JAM3: variants seen among roughly 807,000 people sequenced by gnomAD.
JAM3 encodes junctional adhesion molecule 3.
A neutral mutation model predicts 39.4 loss-of-function variants in JAM3; 31 were observed. The observed-to-expected ratio is 0.79, with a 90% CI of 0.59 to 1.06. JAM3 has a LOEUF of 1.06. Ranked by LOEUF, JAM3 falls within the 50% of genes least tolerant of loss-of-function variation. The pLI, the probability that JAM3 is intolerant of heterozygous loss-of-function variation, is 0.00. For missense variants in JAM3, 455 were observed against 391.4 expected, an observed-to-expected ratio of 1.16 and a Z score of -1.37; for synonymous variants, 182 against 148.7, an observed-to-expected ratio of 1.22 and a Z score of -1.63.
chr11:134,079,086 C>T (rs671800), intron 1 of JAM3, among the ~76,000 whole-genome samples: 60,612 of 151,474 alleles, frequency 0.4, 13,265 homozygotes, highest in African/African-American at 0.6. Context: ...TTTTTTTCAT[C>T]GCATACACCC....
At chr11:134,126,658 T>C (rs1430679424) in intron 1 of JAM3, among the ~76,000 whole-genome samples, 2 of 152,218 alleles carry the variant, frequency 1.3e-5, no homozygotes, top group African/African-American at 2.4e-5. Context: ...GAGTTGGAGA[T>C]GATTCAGGAA....
chr11:134,089,026 T>C (rs865783125), intron 1 of JAM3, among the ~76,000 whole-genome samples: 2 of 152,174 alleles, frequency 1.3e-5, no homozygotes, highest in South Asian at 4.1e-4. Flanking sequence ...ATATAGGTGA[T>C]TGTAAGTTGG....
intron 1 of JAM3, among the ~76,000 whole-genome samples, chr11:134,096,755 G>T (rs1941992088): frequency 6.6e-6 from 1 of 152,184 alleles, no homozygotes; most frequent in South Asian, 2.1e-4. Context: ...TGTGTGCTCA[G>T]TTAATGAGTA....
In JAM3 at chr11:134,124,216, C is replaced by T; in HGVS notation, c.77-15635C>T. 3.6e-6 allele frequency: 5 copies of T among 1,391,026 alleles called. No homozygotes were observed. In the East Asian group the frequency reaches 6.9e-5, roughly 19 times the overall value. 86.2% of individuals were successfully genotyped at this position (1,391,026 alleles called of 1,614,324 possible). On this transcript the variant is annotated intron_variant, in intron 1 of 8. Transcript: ENST00000299106. ...CAAACTCGAACCAAAGTCATCACTC[C>T]ATACTTCTTAAGTTCCTCTGGGAAC...
chr11:134,108,263 A>G (rs563328909), intron 1 of JAM3, among the ~76,000 whole-genome samples: 13 of 152,200 alleles, frequency 8.5e-5, no homozygotes, highest in African/African-American at 3.1e-4. Context: ...GAATAGCCTA[A>G]CATCTACTTT....
At chr11:134,133,075 A>T (rs1565500731) in intron 1 of JAM3, among the ~76,000 whole-genome samples, 1 of 152,178 alleles carries the variant, frequency 6.6e-6, no homozygotes. Context: ...TGTTGTCAAG[A>T]TGGATGAGGG....
Position 134,149,254 on chromosome 11 carries a change from C to A in JAM3, c.*73C>A. 2.5e-6 allele frequency: 4 copies of A among 1,581,368 alleles called. No individual in the cohort carries two copies. In the South Asian group the frequency reaches 3.3e-5, roughly 13 times the overall value. On this transcript the variant is annotated 3_prime_UTR_variant, in exon 9 of 9. Transcript: ENST00000299106. ...CTGCTAGAAACTCCTGTCAAGGCAGCGAGAGCTGATGCACTCGGACAGAGC... is the reference window on the plus strand; with the variant it reads ...CTGCTAGAAACTCCTGTCAAGGCAGAGAGAGCTGATGCACTCGGACAGAGC...
intron 1 of JAM3, among the ~76,000 whole-genome samples, chr11:134,088,411 TA>T (rs1461748015): frequency 6.6e-6 from 1 of 152,146 alleles, no homozygotes; most frequent in African/African-American, 2.4e-5. Context: ...TTTTATTTTT[TA>T]TTTTTTTAAA....
intron 1 of JAM3, among the ~76,000 whole-genome samples, chr11:134,122,940 T>C (rs1312219753): frequency 5.9e-5 from 9 of 152,232 alleles, no homozygotes; most frequent in Non-Finnish European, 1.2e-4. Context: ...GTCCTCCCTT[T>C]TAGAAGACAA....
Position 134,144,247 on chromosome 11 carries a change from TGGC to T in JAM3, c.266_268del (p.Ala89del). ...CCTCGTGTCTTTTCTGTAGGAGACT[TGGC>T]GGGTCGTGCAGAAATACTGGGGAAG... is the stretch of plus-strand genomic sequence containing the variant. On this transcript the variant is annotated inframe_deletion, in exon 4 of 9. Transcript: ENST00000299106. The T allele has an allele frequency of 6.8e-6, 11 of 1,614,178 alleles. No homozygotes were observed. The highest frequency in any genetic ancestry group is 1.3e-5 in the African/African-American group (1 of 75,046).
intron 1 of JAM3, among the ~76,000 whole-genome samples, chr11:134,107,151 C>T (rs1442444410): frequency 6.6e-6 from 1 of 152,130 alleles, no homozygotes; most frequent in Non-Finnish European, 1.5e-5. Context: ...ACTATGCAGC[C>T]ATAAAAAATG....
At chr11:134,142,995 A>G (rs781501261) in intron 3 of JAM3, among the ~76,000 whole-genome samples, 15 of 152,074 alleles carry the variant, frequency 9.9e-5, no homozygotes, top group Non-Finnish European at 2.1e-4. Flanking sequence ...TACCCATTCT[A>G]TTGATGGACA....
rs771936310 is a variant in JAM3, at chr11:134,140,783, A to C, written c.256+13A>C. The C allele has an allele frequency of 3.1e-5, 50 of 1,608,092 alleles. No individual in the cohort carries two copies. Among genetic ancestry groups the C allele is most frequent in the Middle Eastern group, 1.7e-4 (1 of 6,058 alleles). The stretch of plus-strand genomic sequence containing the variant: ...AACAAAATTCAGGGTATGATCCTGT[A>C]GTCCTCTTGCCTGCTGACCTTTCCT... On this transcript the variant is annotated intron_variant, in intron 3 of 8. Coordinates refer to ENST00000299106, the MANE Select transcript of JAM3 (RefSeq NM_032801.5).
chr11:134,129,547 G>A (rs1942724002), intron 1 of JAM3, among the ~76,000 whole-genome samples: 1 of 152,068 alleles, frequency 6.6e-6, no homozygotes, highest in Admixed American at 6.5e-5. Flanking sequence ...TGGACCTCTG[G>A]AAAGTCATTG....
At chr11:134,100,524 C>G (rs1473329151) in intron 1 of JAM3, among the ~76,000 whole-genome samples, 3 of 152,184 alleles carry the variant, frequency 2.0e-5, no homozygotes, top group Non-Finnish European at 2.9e-5. Flanking sequence ...TGAGTTACCA[C>G]TGTATTTATA....
chr11:134,148,617 G>A lies in JAM3; in HGVS notation c.783G>A (p.Leu261=). The A allele has an allele frequency of 1.2e-6, 2 of 1,614,064 alleles. No homozygotes were observed. Among genetic ancestry groups the A allele is most frequent in the Non-Finnish European group, 1.7e-6 (2 of 1,180,004 alleles). Residue 261 remains leucine, a synonymous_variant, in exon 7 of 9, where the codon TTG becomes TTA. Coordinates refer to ENST00000299106, the MANE Select transcript of JAM3 (RefSeq NM_032801.5). The stretch of plus-strand genomic sequence containing the variant: ...TTGCTGTACTGGCCCTGATCACGTT[G>A]GGCATCTGCTGTGCATACAGACGTG... ...VVLAVLALIT[L]GICCAYRRGY...
At chr11:134,116,899 C>T (rs1315032652) in intron 1 of JAM3, among the ~76,000 whole-genome samples, 2 of 151,962 alleles carry the variant, frequency 1.3e-5, no homozygotes, top group Non-Finnish European at 2.9e-5. Flanking sequence ...TAGCATTTTC[C>T]CCTTGCATAT....
chr11:134,121,438 C>T (rs1942530209), intron 1 of JAM3, among the ~76,000 whole-genome samples: 1 of 149,532 alleles, frequency 6.7e-6, no homozygotes, highest in Admixed American at 6.6e-5. Context: ...TTCCTCATTT[C>T]CTCTCCTGCC....
At chr11:134,080,520 T>A (rs1565482130) in intron 1 of JAM3, among the ~76,000 whole-genome samples, 2 of 152,188 alleles carry the variant, frequency 1.3e-5, no homozygotes, top group African/African-American at 4.8e-5. Flanking sequence ...GTAAGTCTCT[T>A]GAGATCTGAT....
Sources: gnomAD v4.1 joint callset for allele counts (sites outside exome capture counted in the v4.1 genomes callset) on GRCh38, gnomAD v4.1.1 for gene constraint, MANE v1.5 for transcripts, NCBI Gene and HGNC (gene_info 2026-07-23, HGNC 2026-07-21) for gene names.